The following RBMS1 variants were observed in gnomAD, a reference collection of about 807,000 sequenced individuals.
RBMS1 encodes the protein RNA-binding motif, single-stranded-interacting protein 1.
RBMS1 carries 17 observed loss-of-function variants against 62.3 expected under a neutral mutation model. That is an observed-to-expected ratio of 0.27 (90% CI 0.19 to 0.41). The LOEUF is 0.41. Among genes scored for constraint, RBMS1 ranks in the 10% least tolerant of loss-of-function variants. The pLI is 1.00. For synonymous variants in RBMS1, 172 were observed against 170.0 expected (o/e 1.01, Z -0.09); for missense variants, 334 against 504.5 (o/e 0.66, Z 3.24).
At chr2:160,423,786 G>A (rs975512974) in intron 1 of RBMS1, among the ~76,000 whole-genome samples, 4 of 152,132 alleles carry the variant, frequency 2.6e-5, no homozygotes, top group African/African-American at 9.7e-5. Flanking sequence ...TTGAGGTCCT[G>A]TGTCCCCTGG....
chr2:160,286,922 G>A, intron 7 of RBMS1, 47 bp downstream of exon 7: 1 of 1,609,328 alleles, frequency 6.2e-7, no homozygotes, highest in African/African-American at 1.3e-5. Flanking sequence ...GGGCATTCAA[G>A]ATCACACCCC....
At chr2:160,364,815 A>G (rs967981780) in intron 2 of RBMS1, among the ~76,000 whole-genome samples, 13 of 152,276 alleles carry the variant, frequency 8.5e-5, no homozygotes, top group Admixed American at 3.3e-4. Context: ...ATAATCCTCT[A>G]AAATATCCAA....
chr2:160,324,866 ATG>A (rs368566224), intron 2 of RBMS1, among the ~76,000 whole-genome samples: 1,833 of 112,922 alleles, frequency 0.016, 41 homozygotes, highest in African/African-American at 0.038. Context: ...TCTAAGCGAG[ATG>A]TGTGTGTGTG....
intron 1 of RBMS1, among the ~76,000 whole-genome samples, chr2:160,404,932 G>T (rs1274333189): frequency 1.3e-5 from 2 of 152,180 alleles, no homozygotes; most frequent in Non-Finnish European, 2.9e-5. Flanking sequence ...GCAGGCAGCC[G>T]TAGTGTGGTG....
intron 4 of RBMS1, among the ~76,000 whole-genome samples, chr2:160,306,896 A>G (rs953252805): frequency 3.3e-5 from 5 of 152,286 alleles, no homozygotes; most frequent in Admixed American, 2.6e-4. Flanking sequence ...CTGGTTTATT[A>G]TTTACAATGC....
chr2:160,367,524 A>G (rs748828567), intron 1 of RBMS1, 133 bp from the exon 2 acceptor site: 60 of 1,436,506 alleles, frequency 4.2e-5, no homozygotes, highest in Non-Finnish European at 5.3e-5. Flanking sequence ...TACACTTTAA[A>G]AAAGGTCTGT....
rs761299711 is a variant in RBMS1, at chr2:160,275,718, CAACA to C, written c.1144-8_1144-5del. ...CCTGCTGTTGACCACTTGCCTCCTA[CAACA>C]AACAAAGCAGAATGGATGAGACATG... On this transcript the variant is annotated splice_region_variant and splice_polypyrimidine_tract_variant and intron_variant, in intron 12 of 13. Coordinates refer to ENST00000348849, the MANE Select transcript of RBMS1 (RefSeq NM_016836.4). 2.5e-6 allele frequency: 4 copies of C among 1,613,662 alleles called. No individual in the cohort carries two copies. The highest frequency in any genetic ancestry group is 1.7e-5 in the Admixed American group (1 of 59,996).
intron 1 of RBMS1, among the ~76,000 whole-genome samples, chr2:160,403,335 G>A (rs1574009667): frequency 6.6e-6 from 1 of 152,156 alleles, no homozygotes; most frequent in East Asian, 1.9e-4. Context: ...AACAAATTGG[G>A]ACTGTTTCAG....
chr2:160,282,312 A>G, intron 9 of RBMS1: 1 of 1,367,888 alleles, frequency 7.3e-7, no homozygotes, highest in Non-Finnish European at 9.8e-7. Context: ...CACCTAAGGC[A>G]GACCAAAGTT....
intron 2 of RBMS1, among the ~76,000 whole-genome samples, chr2:160,331,075 G>GT (rs1691239923): frequency 6.6e-6 from 1 of 152,140 alleles, no homozygotes; most frequent in South Asian, 2.1e-4. Context: ...AACGAAGCAT[G>GT]TTCCCCCACA....
At chr2:160,338,363 G>GACTC (rs914860041) in intron 2 of RBMS1, among the ~76,000 whole-genome samples, 5 of 152,124 alleles carry the variant, frequency 3.3e-5, no homozygotes, top group African/African-American at 1.2e-4. Flanking sequence ...ATATAACTGA[G>GACTC]AAAGTTGGAG....
chr2:160,344,650 T>C (rs1476789251), intron 2 of RBMS1, among the ~76,000 whole-genome samples: 1 of 152,126 alleles, frequency 6.6e-6, no homozygotes, highest in Admixed American at 6.5e-5. Context: ...TACAACTGTG[T>C]TCATTTTGCA....
chr2:160,358,967 A>G (rs761273504), intron 2 of RBMS1, among the ~76,000 whole-genome samples: 2 of 152,164 alleles, frequency 1.3e-5, no homozygotes, highest in Non-Finnish European at 2.9e-5. Flanking sequence ...AGAAAATTCA[A>G]ACAACTACAA....
At chr2:160,300,752 T>C (rs997052243) in intron 5 of RBMS1, 22 bp from the exon 6 acceptor site, 6 of 1,535,432 alleles carry the variant, frequency 3.9e-6, no homozygotes, top group African/African-American at 2.8e-5. Context: ...AAAAATAGAA[T>C]ACATAAATAT....
At chr2:160,282,229 C>A in intron 9 of RBMS1, 1 of 1,366,350 alleles carries the variant, frequency 7.3e-7, no homozygotes, top group Non-Finnish European at 9.8e-7. Context: ...GGGGAAGAGT[C>A]ATGGGGGAAG....
chr2:160,423,704 C>G (rs1256580594), intron 1 of RBMS1, among the ~76,000 whole-genome samples: 2 of 152,134 alleles, frequency 1.3e-5, no homozygotes, highest in African/African-American at 4.8e-5. Flanking sequence ...CACCAGTGAA[C>G]AAAAGAATAC....
Position 160,476,160 on chromosome 2 carries a change from C to T in RBMS1, c.75+17129G>A, listed in dbSNP as rs187120311. Reference sequence around the variant, plus strand: ...GGCATGAGCCACCACACCTGTCCACCGCCTCCCTTTTCTATACACATTATA... The same window carrying T: ...GGCATGAGCCACCACACCTGTCCACTGCCTCCCTTTTCTATACACATTATA... On this transcript the variant is annotated intron_variant, in intron 1 of 13. Transcript: ENST00000348849. Among the ~76,000 whole-genome samples, 133 of 152,064 alleles carry T rather than the reference C, an allele frequency of 8.7e-4. 1 individual carries two copies. In the South Asian group the frequency reaches 0.012, roughly 14 times the overall value.
At chr2:160,338,881 G>C (rs1186877119) in intron 2 of RBMS1, among the ~76,000 whole-genome samples, 3 of 152,154 alleles carry the variant, frequency 2.0e-5, no homozygotes, top group Non-Finnish European at 4.4e-5. Flanking sequence ...AAACACTATT[G>C]GTTCCAGGCC....
At chr2:160,286,433 C>T (rs1283269465) in intron 7 of RBMS1, among the ~76,000 whole-genome samples, 1 of 151,290 alleles carries the variant, frequency 6.6e-6, no homozygotes, top group East Asian at 2.0e-4. Context: ...GATTCTCCTG[C>T]CTCAGCCTCC....
Sources: allele counts gnomAD v4.1 joint callset (sites outside exome capture counted in the v4.1 genomes callset), GRCh38; gene constraint gnomAD v4.1.1; transcripts MANE v1.5; gene names NCBI Gene and HGNC (gene_info 2026-07-23, HGNC 2026-07-21).